The following CSMD1 variants were observed in gnomAD, a reference collection of about 807,000 sequenced individuals.
CSMD1 encodes the protein CUB and sushi domain-containing protein 1.
CSMD1 carries 213 observed loss-of-function variants against 417.5 expected under a neutral mutation model. The ratio of observed to expected loss-of-function variants is 0.51; its 90% CI spans 0.46 to 0.57. The LOEUF (loss-of-function observed/expected upper bound fraction) is 0.57. CSMD1 is among the 20% of genes least tolerant of loss of function. The pLI is 0.00. For missense variants in CSMD1, 6,923 were observed against 4,529.7 expected, an observed-to-expected ratio of 1.53 and a Z score of -15.17; for synonymous variants, 2,862 against 1,736.8, an observed-to-expected ratio of 1.65 and a Z score of -16.11.
chr8:3,309,679 C>G (rs2117403275), intron 23 of CSMD1, among the ~76,000 whole-genome samples: 1 of 152,208 alleles, frequency 6.6e-6, no homozygotes, highest in African/African-American at 2.4e-5. Flanking sequence ...CTATTTCCAC[C>G]AAACTTTGAA....
chr8:3,538,438 C>T (rs1339874110), intron 10 of CSMD1, among the ~76,000 whole-genome samples: 2 of 152,152 alleles, frequency 1.3e-5, no homozygotes, highest in East Asian at 1.9e-4. Context: ...GATGCCTCAC[C>T]TGAGATGATG....
chr8:3,158,029 GT>G, intron 38 of CSMD1, 63 bp from the exon 39 acceptor site: 2 of 1,277,638 alleles, frequency 1.6e-6, no homozygotes, highest in Non-Finnish European at 2.2e-6. Flanking sequence ...AGGATTAAAT[GT>G]TTGAGAATAT....
chr8:3,775,818 A>G lies in CSMD1; in HGVS notation c.819-21776T>C, dbSNP rs1213767095. 2.6e-5 allele frequency among the ~76,000 whole-genome samples: 4 copies of G among 152,318 alleles called. No individual in the cohort carries two copies. The East Asian group carries it at 5.8e-4, about 22-fold the overall frequency. ...GGGTGCTGATGTCATCATGGGGTCCATTGCTTTCCGCCAACGCGCAGGGTT... is the reference window on the plus strand; with the variant it reads ...GGGTGCTGATGTCATCATGGGGTCCGTTGCTTTCCGCCAACGCGCAGGGTT... On this transcript the variant is annotated intron_variant, in intron 5 of 69. Transcript: ENST00000635120.
chr8:4,464,242 T>A (rs1217662), intron 2 of CSMD1, among the ~76,000 whole-genome samples: 1 of 151,974 alleles, frequency 6.6e-6, no homozygotes, highest in Non-Finnish European at 1.5e-5. Flanking sequence ...CATTCCCACA[T>A]TAACATCTTC....
chr8:3,189,105 G>A, intron 34 of CSMD1, 94 bp from the exon 35 acceptor site: 5 of 1,182,250 alleles, frequency 4.2e-6, no homozygotes, highest in Non-Finnish European at 5.9e-6. Flanking sequence ...CACACAGTAA[G>A]AGAAAATGTA....
chr8:3,683,677 A>G (rs73183354), intron 7 of CSMD1, among the ~76,000 whole-genome samples: 21,889 of 152,222 alleles, frequency 0.14, 1,771 homozygotes, highest in South Asian at 0.22. Flanking sequence ...TGAGGTTGTC[A>G]TCTCTTTTCC....
At chr8:3,402,168 G>C (rs555046639) in intron 15 of CSMD1, among the ~76,000 whole-genome samples, 1 of 152,234 alleles carries the variant, frequency 6.6e-6, no homozygotes, top group East Asian at 1.9e-4. Context: ...ATCTGTGATA[G>C]TGCACAACAC....
chr8:3,212,417 C>A (rs774639561), intron 30 of CSMD1, among the ~76,000 whole-genome samples: 1 of 152,114 alleles, frequency 6.6e-6, no homozygotes, highest in African/African-American at 2.4e-5. Flanking sequence ...GGAGCAATCT[C>A]GGCTCACTGA....
At chr8:3,281,129 C>A (rs551735164) in intron 26 of CSMD1, among the ~76,000 whole-genome samples, 2 of 152,018 alleles carry the variant, frequency 1.3e-5, no homozygotes, top group Non-Finnish European at 1.5e-5. Flanking sequence ...TGAAGCAACC[C>A]GTATGTCCTT....
At chr8:4,767,897 T>C (rs181076332) in intron 1 of CSMD1, among the ~76,000 whole-genome samples, 36 of 152,304 alleles carry the variant, frequency 2.4e-4, no homozygotes, top group East Asian at 7.7e-4. Context: ...GCACATCTTA[T>C]TGTAAAAGAT....
intron 1 of CSMD1, among the ~76,000 whole-genome samples, chr8:4,664,671 T>C (rs1804807059): frequency 1.3e-5 from 2 of 152,328 alleles, no homozygotes; most frequent in Non-Finnish European, 1.5e-5. Context: ...CTTATTATTA[T>C]AACAGGTTGG....
chr8:4,006,434 C>A, intron 4 of CSMD1, among the ~76,000 whole-genome samples: 1 of 152,164 alleles, frequency 6.6e-6, no homozygotes, highest in East Asian at 1.9e-4. Context: ...ATTCCAGCTT[C>A]TTGGGAGGCT....
chr8:3,051,434 G>T (rs769120578), intron 50 of CSMD1, among the ~76,000 whole-genome samples: 1 of 152,126 alleles, frequency 6.6e-6, no homozygotes, highest in Non-Finnish European at 1.5e-5. Context: ...CAGACACTGG[G>T]GCCTATGGGA....
At chr8:3,463,678 G>A (rs1457772708) in intron 12 of CSMD1, among the ~76,000 whole-genome samples, 1 of 152,194 alleles carries the variant, frequency 6.6e-6, no homozygotes, top group African/African-American at 2.4e-5. Context: ...GCTGTTCAAT[G>A]TGCATAATTG....
At chr8:4,848,060 A>G (rs1022476595) in intron 1 of CSMD1, among the ~76,000 whole-genome samples, 1 of 152,096 alleles carries the variant, frequency 6.6e-6, no homozygotes, top group African/African-American at 2.4e-5. Context: ...TTTCCTATGA[A>G]TGGAGTCATA....
intron 3 of CSMD1, among the ~76,000 whole-genome samples, chr8:4,073,035 A>C (rs1799640066): frequency 6.6e-6 from 1 of 152,200 alleles, no homozygotes. Context: ...ATCACCTATA[A>C]GTGTAGCGTA....
intron 23 of CSMD1, among the ~76,000 whole-genome samples, chr8:3,327,169 C>T (rs1157990592): frequency 6.7e-6 from 1 of 149,408 alleles, no homozygotes; most frequent in Non-Finnish European, 1.5e-5. Flanking sequence ...TTGAAAGAGA[C>T]TCTCTCTGTC....
chr8:3,728,939 T>A (rs544665215), intron 6 of CSMD1, among the ~76,000 whole-genome samples: 1 of 152,264 alleles, frequency 6.6e-6, no homozygotes, highest in Admixed American at 6.5e-5. Flanking sequence ...AATCCCAAAA[T>A]AATGCAAATG....
At chr8:4,991,595 C>T (rs987891235) in intron 1 of CSMD1, among the ~76,000 whole-genome samples, 2 of 152,148 alleles carry the variant, frequency 1.3e-5, no homozygotes, top group Non-Finnish European at 2.9e-5. Context: ...CGCCCTCCTG[C>T]CGGAGCGCTC....
Sources: allele counts gnomAD v4.1 joint callset (sites outside exome capture counted in the v4.1 genomes callset), GRCh38; gene constraint gnomAD v4.1.1; transcripts MANE v1.5; gene names NCBI Gene and HGNC (gene_info 2026-07-23, HGNC 2026-07-21).